ARMH1: variants seen among roughly 807,000 people sequenced by gnomAD.
ARMH1 encodes armadillo like helical domain containing 1.
A neutral mutation model predicts 50.2 loss-of-function variants in ARMH1; 34 were observed. The ratio of observed to expected loss-of-function variants is 0.68; its 90% confidence interval spans 0.51 to 0.90. ARMH1 has a LOEUF of 0.90. ARMH1 is among the 40% of genes least tolerant of loss of function. The pLI, the probability that ARMH1 is intolerant of heterozygous loss-of-function variation, is 0.00. For synonymous variants in ARMH1, 221 were observed against 224.2 expected, an observed-to-expected ratio of 0.99 and a Z score of 0.13; for missense variants, 538 against 553.9, an observed-to-expected ratio of 0.97 and a Z score of 0.29.
chr1:44,686,814 G>A (rs796865921), intron 1 of ARMH1, among the ~76,000 whole-genome samples: 32 of 152,230 alleles, frequency 2.1e-4, no homozygotes, highest in African/African-American at 6.3e-4. Context: ...GGTGGCATGC[G>A]CCTGTAGCCC....
chr1:44,684,961 C>T (rs1335723377), intron 1 of ARMH1, among the ~76,000 whole-genome samples: 3 of 152,092 alleles, frequency 2.0e-5, no homozygotes. Flanking sequence ...CCCCTGCTCT[C>T]TCACCCTCCC....
Position 44,724,463 on chromosome 1 carries a change from C to T in ARMH1, c.920+71C>T. 1.3e-6 allele frequency: 2 copies of T among 1,522,722 alleles called. No homozygotes were observed. Among genetic ancestry groups the T allele is most frequent in the Non-Finnish European group, 8.8e-7 (1 of 1,136,882 alleles). 94.3% of individuals were successfully genotyped at this position (1,522,722 alleles called of 1,614,324 possible). A position where few individuals can be genotyped will look rare whatever the true frequency, so the allele number is the denominator to read the frequency against. ...GCGCTGCCGGCGGGCCCCGGGAGCGCTCCGTGCGCCGGGTGGGCGGGGGTG... is the reference window on the plus strand; with the variant it reads ...GCGCTGCCGGCGGGCCCCGGGAGCGTTCCGTGCGCCGGGTGGGCGGGGGTG... On this transcript the variant is annotated intron_variant, in intron 8 of 11. Coordinates refer to ENST00000535358, the MANE Select transcript of ARMH1 (RefSeq NM_001145636.2). The surrounding 1 kb of genome is among the most constrained non-coding windows in gnomAD (Gnocchi z 6.4).
chr1:44,719,301 T>C (rs905268607), intron 6 of ARMH1, among the ~76,000 whole-genome samples: 1 of 152,148 alleles, frequency 6.6e-6, no homozygotes, highest in Non-Finnish European at 1.5e-5. Context: ...AGCCTGAGGA[T>C]GATGGGCAAG....
chr1:44,676,138 T>C (rs891560263), intron 1 of ARMH1, among the ~76,000 whole-genome samples: 7 of 152,002 alleles, frequency 4.6e-5, no homozygotes, highest in Non-Finnish European at 1.0e-4. Context: ...AAAAATGGAC[T>C]TGGTTACTAA....
At chr1:44,678,662 A>G (rs879760602) in intron 1 of ARMH1, among the ~76,000 whole-genome samples, 7 of 152,264 alleles carry the variant, frequency 4.6e-5, no homozygotes, top group South Asian at 2.1e-4. Flanking sequence ...GTCTCATTCT[A>G]CATGTGAAAC....
At chr1:44,692,546 G>C (rs1226926515) in intron 2 of ARMH1, among the ~76,000 whole-genome samples, 2 of 152,080 alleles carry the variant, frequency 1.3e-5, no homozygotes, top group Non-Finnish European at 2.9e-5. Flanking sequence ...CCTGGCACAT[G>C]TTTGCTGAGT....
intron 6 of ARMH1, among the ~76,000 whole-genome samples, chr1:44,718,912 C>T (rs1232037601): frequency 6.6e-6 from 1 of 150,842 alleles, no homozygotes; most frequent in East Asian, 2.0e-4. Flanking sequence ...GTAATCCCAG[C>T]TACTTGGGAG....
intron 1 of ARMH1, among the ~76,000 whole-genome samples, chr1:44,680,756 G>T (rs546818624): frequency 6.6e-6 from 1 of 152,192 alleles, no homozygotes; most frequent in Admixed American, 6.5e-5. Context: ...AAGAGGAGAG[G>T]GTTGCGCTTG....
chr1:44,715,500 G>A (rs1297661035), intron 6 of ARMH1, among the ~76,000 whole-genome samples: 1 of 152,156 alleles, frequency 6.6e-6, no homozygotes, highest in Non-Finnish European at 1.5e-5. Flanking sequence ...TTGGAGCAAT[G>A]AATTTGTCTC....
chr1:44,724,966 G>A lies in ARMH1; in HGVS notation c.1128+127G>A. ...GTGGACCTGGCCACCAGCTGCAGGA[G>A]GGACTGCTCTGGCGTAGGCTCCTCC... is the stretch of plus-strand genomic sequence containing the variant. On this transcript the variant is annotated intron_variant, in intron 10 of 11. Transcript: ENST00000535358. This position sits in a 1 kb window ranked among gnomAD's most constrained non-coding sequence, Gnocchi z 6.4. 4 of 1,498,354 alleles carry A rather than the reference G, an allele frequency of 2.7e-6. No homozygotes were observed. The highest frequency in any genetic ancestry group is 3.6e-6 in the Non-Finnish European group (4 of 1,120,996). 92.8% of individuals were successfully genotyped at this position (1,498,354 alleles called of 1,614,324 possible).
intron 6 of ARMH1, among the ~76,000 whole-genome samples, chr1:44,709,454 C>T (rs543654194): frequency 6.8e-4 from 104 of 152,240 alleles, no homozygotes; most frequent in South Asian, 2.3e-3. Flanking sequence ...GGGCGGATCA[C>T]GAGGTCAGGA....
At position 44,681,401 on chromosome 1, in the gene ARMH1, G is replaced by A. The variant is rs184503529; in HGVS notation, c.-23+6528G>A. On this transcript the variant is annotated intron_variant, in intron 1 of 11. Transcript: ENST00000535358. The surrounding 1 kb of genome is among the most constrained non-coding windows in gnomAD (Gnocchi z 4.3). The stretch of plus-strand genomic sequence containing the variant: ...TGAGGCAGGAGGATCGCTTGAGCCC[G>A]GGAGTTCAAGACTGCATTGAGCTAT... Among the ~76,000 whole-genome samples, 272 of 152,168 alleles carry A rather than the reference G, an allele frequency of 1.8e-3. No individual in the cohort carries two copies. The highest frequency in any genetic ancestry group is 2.8e-3 in the Non-Finnish European group (192 of 67,986).
At chr1:44,716,826 T>A (rs1646870252) in intron 6 of ARMH1, among the ~76,000 whole-genome samples, 1 of 152,106 alleles carries the variant, frequency 6.6e-6, no homozygotes, top group Admixed American at 6.5e-5. Flanking sequence ...GAATATGGGA[T>A]TTGGAATCCG....
chr1:44,710,192 C>T (rs1646539408), intron 6 of ARMH1, among the ~76,000 whole-genome samples: 2 of 152,160 alleles, frequency 1.3e-5, no homozygotes, highest in Non-Finnish European at 2.9e-5. Flanking sequence ...CACCTCCTCC[C>T]CTGGCCCCCT....
chr1:44,725,380 G>T lies in ARMH1; in HGVS notation c.1300G>T (p.Glu434Ter), dbSNP rs938089775. 5.8e-6 allele frequency: 9 copies of T among 1,551,806 alleles called. No individual in the cohort carries two copies. The highest frequency in any genetic ancestry group is 7.8e-6 in the Non-Finnish European group (9 of 1,147,024). ...GATGGCCTACCTCACACACTTCGAG[G>T]AGGATGTAGAATCAAAGGAGTAACA... is the stretch of plus-strand genomic sequence containing the variant. ...AQMAYLTHFEEDVESKE is the reference protein window; with the variant it reads ...AQMAYLTHFE Residue 434 changes from glutamate to a stop codon, truncating the protein, a stop_gained, in exon 12 of 12, where the codon GAG becomes TAG. Transcript: ENST00000535358. LOFTEE classifies it low-confidence loss of function (END_TRUNC).
intron 6 of ARMH1, among the ~76,000 whole-genome samples, chr1:44,716,952 G>C (rs1000648176): frequency 2.0e-5 from 3 of 150,742 alleles, no homozygotes; most frequent in African/African-American, 7.3e-5. Context: ...ACAGGTAAAA[G>C]ATATTCTCCT....
Position 44,724,851 on chromosome 1 carries a change from CT to C in ARMH1, c.1128+14del. 1 of 1,523,172 alleles carries C rather than the reference CT, an allele frequency of 6.6e-7. No individual in the cohort carries two copies. The allele number at this position is 1,523,172 out of a possible 1,614,324, so 94.4% of individuals were successfully genotyped here. Reference sequence around the variant, plus strand: ...ACCAGCTCTTCCTGGTAAGTGCGCCCTTCCTGCCCCGCCGCAATGAGCAGAT... The same window carrying C: ...ACCAGCTCTTCCTGGTAAGTGCGCCCTCCTGCCCCGCCGCAATGAGCAGAT... On this transcript the variant is annotated intron_variant, in intron 10 of 11. Coordinates refer to ENST00000535358, the MANE Select transcript of ARMH1 (RefSeq NM_001145636.2). The surrounding 1 kb of genome is among the most constrained non-coding windows in gnomAD (Gnocchi z 6.4).
intron 6 of ARMH1, among the ~76,000 whole-genome samples, chr1:44,708,665 ATTGT>A (rs1316575283): frequency 1.3e-5 from 2 of 151,998 alleles, no homozygotes; most frequent in African/African-American, 4.8e-5. Flanking sequence ...GGGCCTGGCG[ATTGT>A]TTATCTTACA....
At chr1:44,704,895 C>T (rs1438119366) in intron 6 of ARMH1, among the ~76,000 whole-genome samples, 1 of 146,540 alleles carries the variant, frequency 6.8e-6, no homozygotes. Context: ...AGTGCAGTGG[C>T]GCAATCTCAG....
Sources: gnomAD v4.1 joint callset for allele counts (sites outside exome capture counted in the v4.1 genomes callset) on GRCh38, gnomAD v4.1.1 for gene constraint, Gnocchi (gnomAD v3.1) non-coding constraint, MANE v1.5 for transcripts, NCBI Gene and HGNC (gene_info 2026-07-23, HGNC 2026-07-21) for gene names.